Variants in UBAP2 observed in about 807,000 individuals in gnomAD.
The protein encoded by UBAP2 is ubiquitin-associated protein 2.
Under a neutral mutation model 139.6 loss-of-function variants are expected in UBAP2, and 75 were observed. That is an observed-to-expected ratio of 0.54 (90% CI 0.45 to 0.65). The LOEUF (loss-of-function observed/expected upper bound fraction) is 0.65, where lower values mean the gene tolerates loss of function less well. UBAP2 is among the 30% of genes least tolerant of loss of function. The probability of loss-of-function intolerance (pLI) is 0.00; values close to 1 mark genes in which losing one functional copy is unlikely to be tolerated. For missense variants in UBAP2, 1,368 were observed against 1,369.6 expected (o/e 1.00, Z 0.02); for synonymous variants, 526 against 526.2 (o/e 1.00, Z 0.01).
chr9:33,947,703 T>G (rs1177570365), intron 13 of UBAP2, among the ~76,000 whole-genome samples: 4 of 151,548 alleles, frequency 2.6e-5, no homozygotes, highest in Non-Finnish European at 5.9e-5. Context: ...CATGTGCCTA[T>G]AGTCCCACCT....
Position 33,922,040 on chromosome 9 carries a change from G to T in UBAP2, c.*464C>A, listed in dbSNP as rs1822929652. ...ACGGAACAGTTTCTCAAAAACAGAG[G>T]TATGAAGTAATTACACAGGAAAGAA... On this transcript the variant is annotated 3_prime_UTR_variant, in exon 29 of 29. Coordinates refer to ENST00000379238, the MANE Select transcript of UBAP2 (RefSeq NM_001370062.2). 2 of 158,940 alleles carry T rather than the reference G, an allele frequency of 1.3e-5. No homozygotes were observed. The highest frequency in any genetic ancestry group is 4.8e-5 in the African/African-American group (2 of 41,558). The allele number at this position is 158,940 out of a possible 1,614,324, so 9.8% of individuals were successfully genotyped here. A position where few individuals can be genotyped will look rare whatever the true frequency, so the allele number is the denominator to read the frequency against.
chr9:33,927,154 G>A, intron 20 of UBAP2, 74 bp from the exon 21 acceptor site: 1 of 1,200,958 alleles, frequency 8.3e-7, no homozygotes, highest in Non-Finnish European at 1.2e-6. Context: ...GCTTCAGGAG[G>A]AGGCACAGTC....
chr9:33,946,794 G>T (rs1022397920), intron 13 of UBAP2, among the ~76,000 whole-genome samples: 5 of 152,140 alleles, frequency 3.3e-5, no homozygotes, highest in Non-Finnish European at 7.3e-5. Context: ...AAACACACAG[G>T]TTTTATAAAG....
At chr9:33,945,607 C>A (rs995600111) in intron 13 of UBAP2, among the ~76,000 whole-genome samples, 34 of 152,156 alleles carry the variant, frequency 2.2e-4, no homozygotes, top group Non-Finnish European at 4.6e-4. Context: ...AACACTGTAC[C>A]CGGTTTTCCT....
intron 20 of UBAP2, 113 bp from the exon 21 acceptor site, chr9:33,927,193 A>C: frequency 1.3e-6 from 1 of 756,902 alleles, no homozygotes; most frequent in Non-Finnish European, 2.1e-6. Flanking sequence ...GGTTCAAAGA[A>C]GGGCAGTGGC....
In UBAP2 at chr9:33,980,220, C is replaced by CTTTTTTTTTTTTTTTTTTTTTTTT. The variant is rs1173781682; in HGVS notation, c.520+6516_520+6539dup. Among the ~76,000 whole-genome samples the CTTTTTTTTTTTTTTTTTTTTTTTT allele has an allele frequency of 6.9e-4, 34 of 49,134 alleles. 9 individuals carry two copies. Among genetic ancestry groups the CTTTTTTTTTTTTTTTTTTTTTTTT allele is most frequent in the Non-Finnish European group, 1.0e-3 (28 of 27,464 alleles). The allele number at this position is 49,134 out of a possible 152,430, so 32.2% of individuals were successfully genotyped here. ...TTAATCCAAATCCTGAGTGTCATTT[C>CTTTTTTTTTTTTTTTTTTTTTTTT]TTTTTTTTTTTTTTTTTTTTTTTTT... On this transcript the variant is annotated intron_variant, in intron 6 of 28. Transcript: ENST00000379238.
chr9:33,924,718 G>A (rs569829035), intron 22 of UBAP2, among the ~76,000 whole-genome samples: 1 of 152,202 alleles, frequency 6.6e-6, no homozygotes, highest in East Asian at 1.9e-4. Flanking sequence ...ACAGGGGGCA[G>A]TGCCAGGTAG....
intron 16 of UBAP2, among the ~76,000 whole-genome samples, chr9:33,939,206 T>TTTTTTTTTTTTTTTTTTTTTTTTTTTTTC (rs575154458): frequency 7.2e-6 from 1 of 138,316 alleles, no homozygotes; most frequent in Non-Finnish European, 1.6e-5. Flanking sequence ...TTTTTTTTTT[T>TTTTTTTTTTTTTTTTTTTTTTTTTTTTTC]TTTTTGAGAT....
At chr9:33,970,168 A>G (rs1419841146) in intron 8 of UBAP2, among the ~76,000 whole-genome samples, 2 of 151,356 alleles carry the variant, frequency 1.3e-5, no homozygotes, top group African/African-American at 4.8e-5. Context: ...TCCTGAGCTC[A>G]AGCTGAGTTA....
At chr9:33,973,112 G>A (rs942504215) in intron 7 of UBAP2, 71 bp downstream of exon 7, 5 of 1,335,704 alleles carry the variant, frequency 3.7e-6, no homozygotes, top group Non-Finnish European at 5.4e-6. Flanking sequence ...TAGATGTAGG[G>A]TATTAGAAGC....
chr9:33,986,280 A>C (rs529070885), intron 6 of UBAP2, among the ~76,000 whole-genome samples: 2 of 151,958 alleles, frequency 1.3e-5, no homozygotes, highest in Non-Finnish European at 2.9e-5. Flanking sequence ...GTCTCAAAAA[A>C]AGGGAATAAG....
At chr9:33,948,091 T>C (rs760806588) in intron 13 of UBAP2, among the ~76,000 whole-genome samples, 1 of 151,998 alleles carries the variant, frequency 6.6e-6, no homozygotes, top group Non-Finnish European at 1.5e-5. Context: ...TTACACAAAG[T>C]GTTAGATGTT....
chr9:34,005,198 G>A (rs1354949155), intron 2 of UBAP2, among the ~76,000 whole-genome samples: 1 of 151,444 alleles, frequency 6.6e-6, no homozygotes, highest in Non-Finnish European at 1.5e-5. Flanking sequence ...GAGAGGCGGA[G>A]GTTGCAGTGA....
intron 2 of UBAP2, among the ~76,000 whole-genome samples, chr9:34,000,984 C>A (rs568793634): frequency 6.0e-4 from 91 of 152,312 alleles, no homozygotes; most frequent in Middle Eastern, 6.8e-3. Context: ...AAGGACCTTA[C>A]ATATACTCTC....
chr9:33,981,793 A>T, intron 6 of UBAP2, among the ~76,000 whole-genome samples: 1 of 131,222 alleles, frequency 7.6e-6, no homozygotes, highest in Non-Finnish European at 1.6e-5. Context: ...GAAGGAAGGA[A>T]GGAAGGAAGG....
chr9:34,022,433 C>CTTTTTTTTT (rs11387718), intron 1 of UBAP2, among the ~76,000 whole-genome samples: 1 of 112,372 alleles, frequency 8.9e-6, no homozygotes, highest in East Asian at 2.6e-4. Context: ...AGCAAGACCC[C>CTTTTTTTTT]TTTTTTTTTT....
chr9:34,046,867 A>AT (rs1463023754), intron 1 of UBAP2, among the ~76,000 whole-genome samples: 1 of 152,154 alleles, frequency 6.6e-6, no homozygotes, highest in East Asian at 1.9e-4. Flanking sequence ...ACTCAGGCTA[A>AT]TACTAAGAGA....
intron 6 of UBAP2, among the ~76,000 whole-genome samples, chr9:33,982,961 C>A (rs1489443000): frequency 6.6e-6 from 1 of 150,810 alleles, no homozygotes; most frequent in African/African-American, 2.4e-5. Flanking sequence ...CTCACAGCAA[C>A]CTCCGCCTCC....
chr9:33,945,894 T>C (rs1342978906), intron 13 of UBAP2, among the ~76,000 whole-genome samples: 1 of 152,230 alleles, frequency 6.6e-6, no homozygotes, highest in Non-Finnish European at 1.5e-5. Flanking sequence ...AATACATTTG[T>C]ATGTAAGATA....
Sources: gnomAD v4.1 joint callset for allele counts (sites outside exome capture counted in the v4.1 genomes callset) on GRCh38, gnomAD v4.1.1 for gene constraint, MANE v1.5 for transcripts, NCBI Gene and HGNC (gene_info 2026-07-23, HGNC 2026-07-21) for gene names.